Variants in FRMD4A observed in about 807,000 individuals in gnomAD.
FRMD4A encodes FERM domain containing 4A.
Under a neutral mutation model 129.1 loss-of-function variants are expected in FRMD4A, and 29 were observed. The observed-to-expected ratio is 0.22, with a 90% CI of 0.17 to 0.31. The LOEUF (loss-of-function observed/expected upper bound fraction) is 0.31, where lower values mean the gene tolerates loss of function less well. Among genes scored for constraint, FRMD4A ranks in the 10% least tolerant of loss-of-function variants. The probability of loss-of-function intolerance (pLI) is 1.00; values close to 1 mark genes in which losing one functional copy is unlikely to be tolerated. For missense variants in FRMD4A, 1,272 were observed against 1,375.8 expected (o/e 0.92, Z 1.19); for synonymous variants, 634 against 571.6 (o/e 1.11, Z -1.56).
chr10:13,929,257 T>C (rs1373287998), intron 2 of FRMD4A, among the ~76,000 whole-genome samples: 2 of 152,236 alleles, frequency 1.3e-5, no homozygotes, highest in African/African-American at 2.4e-5. Flanking sequence ...TCCATTCTCT[T>C]TCTGCATGGA....
intron 2 of FRMD4A, among the ~76,000 whole-genome samples, chr10:14,135,743 A>G (rs755540748): frequency 1.6e-4 from 25 of 152,240 alleles, no homozygotes; most frequent in Non-Finnish European, 2.9e-4. Context: ...ATATTTATCA[A>G]AAACCAAATT....
intron 2 of FRMD4A, among the ~76,000 whole-genome samples, chr10:13,935,274 C>T (rs1403783333): frequency 6.6e-6 from 1 of 151,682 alleles, no homozygotes; most frequent in African/African-American, 2.4e-5. Flanking sequence ...CCTGTCTCTA[C>T]TAAAAATACA....
intron 2 of FRMD4A, among the ~76,000 whole-genome samples, chr10:13,921,230 C>A (rs1489188770): frequency 7.5e-5 from 11 of 146,220 alleles, no homozygotes; most frequent in African/African-American, 2.8e-4. Flanking sequence ...CTTTCTTTCT[C>A]TCTCTTTCTT....
intron 21 of FRMD4A, 77 bp downstream of exon 21, chr10:13,659,246 T>TG: frequency 7.9e-7 from 1 of 1,264,904 alleles, no homozygotes; most frequent in Non-Finnish European, 1.2e-6. Flanking sequence ...ATCCATTATT[T>TG]GGGCCAGCTT....
In FRMD4A at chr10:14,107,549, C is replaced by T. The variant is rs180972476; in HGVS notation, c.45+222509G>A. Among the ~76,000 whole-genome samples, 14 of 152,210 alleles carry T rather than the reference C, an allele frequency of 9.2e-5. No individual in the cohort carries two copies. In the East Asian group the frequency reaches 2.7e-3, roughly 29 times the overall value. On this transcript the variant is annotated intron_variant, in intron 2 of 24. Transcript: ENST00000357447. The stretch of plus-strand genomic sequence containing the variant: ...GACAAGATACAGCCAAAGCTCATAG[C>T]TTCTATCATTATCTCATTCACTTTG...
chr10:14,008,922 A>G (rs563515679), intron 2 of FRMD4A, among the ~76,000 whole-genome samples: 28 of 152,370 alleles, frequency 1.8e-4, no homozygotes, highest in African/African-American at 6.7e-4. Flanking sequence ...AAAGAAGAAG[A>G]AACTGTTGCA....
At chr10:13,655,002 G>A (rs1026071059) in intron 22 of FRMD4A, 3 of 161,172 alleles carry the variant, frequency 1.9e-5, no homozygotes, top group African/African-American at 4.8e-5. Context: ...AAGGTTCTCA[G>A]AGCCTGCTCT....
At chr10:14,272,031 AAG>A (rs1845178846) in intron 2 of FRMD4A, among the ~76,000 whole-genome samples, 2 of 152,180 alleles carry the variant, frequency 1.3e-5, no homozygotes. Flanking sequence ...CACACTGGCA[AAG>A]AAAATCAGAA....
intron 2 of FRMD4A, among the ~76,000 whole-genome samples, chr10:13,940,047 A>G (rs561397050): frequency 6.6e-6 from 1 of 152,098 alleles, no homozygotes; most frequent in African/African-American, 2.4e-5. Flanking sequence ...ACCATGAGCC[A>G]TTTGGCTTTA....
At chr10:13,909,614 G>A (rs2094920528) in intron 2 of FRMD4A, among the ~76,000 whole-genome samples, 1 of 152,200 alleles carries the variant, frequency 6.6e-6, no homozygotes, top group Admixed American at 6.5e-5. Context: ...TATTATGGAT[G>A]TACGAACAAT....
rs1778620186 is a variant in FRMD4A at position 13,657,088 on chromosome 10, A to G, written c.2501T>C (p.Ile834Thr). 3 of 1,575,366 alleles carry G rather than the reference A, an allele frequency of 1.9e-6. No individual in the cohort carries two copies. The highest frequency in any genetic ancestry group is 2.3e-5 in the East Asian group (1 of 42,750). The change falls in exon 22 of 25, where the codon ATC (isoleucine) becomes ACC (threonine). Residue 834 changes from isoleucine to threonine, a missense_variant. This residue lies in a region of FRMD4A where 972 missense variants were observed against 892.3 expected (regional missense o/e 1.09). Transcript: ENST00000357447. ...CTCGATGTACAGCGGGTACTCCTTG[A>G]TGCGGTACTGCGAGCTGGGCTGGCT... Reference protein sequence around the residue: ...SQSQPSSQYRIKEYPLYIEGG... With the variant: ...SQSQPSSQYRTKEYPLYIEGG...
intron 2 of FRMD4A, among the ~76,000 whole-genome samples, chr10:14,023,740 C>G (rs970628094): frequency 2.6e-5 from 4 of 152,214 alleles, no homozygotes; most frequent in African/African-American, 9.6e-5. Context: ...AAGCCTGCAT[C>G]GCTAAAATCA....
intron 2 of FRMD4A, among the ~76,000 whole-genome samples, chr10:14,212,520 C>T (rs1842959782): frequency 6.6e-6 from 1 of 152,148 alleles, no homozygotes; most frequent in African/African-American, 2.4e-5. Context: ...TCTGTGATGT[C>T]CGCTGCCAGC....
At chr10:14,110,125 T>TTTAAAAAAAA (rs372420987) in intron 2 of FRMD4A, among the ~76,000 whole-genome samples, 5 of 89,518 alleles carry the variant, frequency 5.6e-5, no homozygotes, top group Non-Finnish European at 8.1e-5. Context: ...CGAGATGCTG[T>TTTAAAAAAAA]AAAAAAAAAA....
At chr10:13,786,132 T>C (rs2092855103) in intron 5 of FRMD4A, among the ~76,000 whole-genome samples, 1 of 152,206 alleles carries the variant, frequency 6.6e-6, no homozygotes, top group African/African-American at 2.4e-5. Context: ...TTCAGGTATA[T>C]ACCCAGTAAT....
rs185403438 is a variant in FRMD4A at position 14,028,018 on chromosome 10, C to T, written c.46-169106G>A. Reference sequence around the variant, plus strand: ...AGAAAAACTTGAAGATACATTCATACAAGCAAGTTCACGGGTGTCAGTGCT... The same window carrying T: ...AGAAAAACTTGAAGATACATTCATATAAGCAAGTTCACGGGTGTCAGTGCT... On this transcript the variant is annotated intron_variant, in intron 2 of 24. Coordinates refer to ENST00000357447, the MANE Select transcript of FRMD4A (RefSeq NM_018027.5). 1.5e-3 allele frequency among the ~76,000 whole-genome samples: 227 copies of T among 152,232 alleles called. 2 individuals are homozygous for T. Among genetic ancestry groups the T allele is most frequent in the African/African-American group, 5.2e-3 (216 of 41,448 alleles).
intron 3 of FRMD4A, among the ~76,000 whole-genome samples, chr10:13,836,353 C>T (rs981361650): frequency 6.6e-5 from 10 of 152,180 alleles, no homozygotes; most frequent in African/African-American, 2.4e-4. Flanking sequence ...AAGAAACTCT[C>T]ATAGCACTCA....
intron 22 of FRMD4A, 135 bp downstream of exon 22, chr10:13,656,501 G>A (rs142848060): frequency 6.2e-5 from 67 of 1,078,326 alleles, no homozygotes; most frequent in African/African-American, 6.0e-4. Flanking sequence ...TAACAGCAGC[G>A]TTCCCAGAAT....
intron 8 of FRMD4A, 55 bp downstream of exon 8, chr10:13,761,592 T>C: frequency 2.3e-6 from 3 of 1,317,920 alleles, no homozygotes; most frequent in East Asian, 2.3e-5. Flanking sequence ...TTTCTTTTAA[T>C]AGAGAAGCAA....
Sources: allele counts gnomAD v4.1 joint callset (sites outside exome capture counted in the v4.1 genomes callset), GRCh38; gene constraint gnomAD v4.1.1; regional missense constraint gnomAD v4.1.1; transcripts MANE v1.5; gene names NCBI Gene and HGNC (gene_info 2026-07-23, HGNC 2026-07-21).